The following CCDC198 variants were observed in gnomAD, a reference collection of about 807,000 sequenced individuals.
CCDC198 encodes factor associated with metabolism and energy.
CCDC198 carries 18 observed loss-of-function variants against 35.6 expected under a neutral mutation model. The ratio of observed to expected loss-of-function variants is 0.51; its 90% CI spans 0.35 to 0.75. The LOEUF (loss-of-function observed/expected upper bound fraction) is 0.75. Among genes scored for constraint, CCDC198 ranks in the 30% least tolerant of loss-of-function variants. The pLI is 0.01. For synonymous variants in CCDC198, 119 were observed against 113.4 expected (o/e 1.05, Z -0.31); for missense variants, 365 against 343.7 (o/e 1.06, Z -0.49).
In CCDC198 at chr14:57,490,340, G is replaced by A. The variant is rs189217456; in HGVS notation, c.306+649C>T. ...GCAGAGAACCCATTAAATATTTATT[G>A]GGGTGAATGCGTTTAAAGCTCTTGC... On this transcript the variant is annotated intron_variant, in intron 2 of 5. Coordinates refer to ENST00000216445, the MANE Select transcript of CCDC198 (RefSeq NM_018168.4). Among the ~76,000 whole-genome samples, 297 of 152,242 alleles carry A rather than the reference G, an allele frequency of 2.0e-3. 4 individuals are homozygous for A. Among genetic ancestry groups the A allele is most frequent in the African/African-American group, 6.5e-3 (271 of 41,540 alleles).
intron 3 of CCDC198, among the ~76,000 whole-genome samples, chr14:57,481,932 C>G (rs767099886): frequency 4.6e-5 from 7 of 152,172 alleles, no homozygotes; most frequent in Non-Finnish European, 8.8e-5. Flanking sequence ...TTCCACATCT[C>G]ATTTTTGGCA....
intron 5 of CCDC198, among the ~76,000 whole-genome samples, chr14:57,474,348 C>G (rs531216576): frequency 6.6e-6 from 1 of 152,322 alleles, no homozygotes; most frequent in Non-Finnish European, 1.5e-5. Context: ...GCAAATTAGT[C>G]AAGAACTACC....
chr14:57,475,847 G>T (rs1207704200), intron 5 of CCDC198: 1 of 269,334 alleles, frequency 3.7e-6, no homozygotes, highest in Non-Finnish European at 6.7e-6. Context: ...TGTCGACCAG[G>T]TTGGAGAGCA....
chr14:57,483,230 T>C, intron 2 of CCDC198, 79 bp from the exon 3 acceptor site: 1 of 1,602,988 alleles, frequency 6.2e-7, no homozygotes, highest in Middle Eastern at 1.7e-4. Flanking sequence ...CATTAAATTA[T>C]CTTAACACTT....
At position 57,493,665 on chromosome 14, in the gene CCDC198, A is replaced by G. The variant is rs763241972; in HGVS notation, c.51T>C (p.Pro17=). 6.2e-7 allele frequency: 1 copy of G among 1,613,888 alleles called. No homozygotes were observed. The highest frequency in any genetic ancestry group is 8.5e-7 in the Non-Finnish European group (1 of 1,179,910). Reference sequence around the variant, plus strand: ...GAGTCTCTACCTCTTTGTTTTGCAAAGGTGCTACTTTGATCACCCTAAGGT... The same window carrying G: ...GAGTCTCTACCTCTTTGTTTTGCAAGGGTGCTACTTTGATCACCCTAAGGT... ...KTHLRVIKVA[P]LQNKEVETPS... is the part of the protein sequence containing the mutation. Residue 17 remains proline (P), a synonymous_variant, in exon 1 of 6, where the codon CCT becomes CCC. Transcript: ENST00000216445.
intron 5 of CCDC198, among the ~76,000 whole-genome samples, chr14:57,472,150 G>A (rs2066842229): frequency 6.6e-6 from 1 of 152,028 alleles, no homozygotes; most frequent in African/African-American, 2.4e-5. Context: ...TGCTGTTTGT[G>A]TTTTAATCTT....
rs146784735 is a variant in CCDC198 at position 57,483,137 on chromosome 14, A to T, written c.321T>A (p.Ile107=). 18 of 1,613,902 alleles carry T rather than the reference A, an allele frequency of 1.1e-5. No individual in the cohort carries two copies. The African/African-American group carries it at 2.0e-4, about 18-fold the overall frequency. Residue 107 remains isoleucine, a synonymous_variant, in exon 3 of 6, where the codon ATT becomes ATA. Transcript: ENST00000216445. The part of the protein sequence containing the change: ...PPQRLQKLEP[I]DLPRVITSGR... ...CTGAAGTAATTACTCGTGGCAAGTC[A>T]ATGGGTTCAAGCTTCTAGAAGTTCA...
chr14:57,477,184 A>G (rs2139482498), intron 5 of CCDC198, among the ~76,000 whole-genome samples: 1 of 152,356 alleles, frequency 6.6e-6, no homozygotes, highest in South Asian at 2.1e-4. Flanking sequence ...AGCTGTATCC[A>G]TTATTATCCC....
Position 57,480,670 on chromosome 14 carries a change from G to A in CCDC198, c.580C>T (p.Leu194Phe). The stretch of plus-strand genomic sequence containing the variant: ...TCATCATTCCTTGGGGTGCTTTGAA[G>A]GGTTTTCTTGGCTTTATGGTCCCTT... ...SPRDHKAKKT[L>F]QSTPRNDDHD... The change falls in exon 5 of 6, where the codon CTT becomes TTT. Residue 194 changes from leucine (L) to phenylalanine (F), a missense_variant. Physicochemically the swap from Leu to Phe is conservative, Grantham distance 22 (BLOSUM62 0). Coordinates refer to ENST00000216445, the MANE Select transcript of CCDC198 (RefSeq NM_018168.4). The A allele has an allele frequency of 1.9e-6, 3 of 1,614,132 alleles. No individual in the cohort carries two copies. The highest frequency in any genetic ancestry group is 1.1e-5 in the South Asian group (1 of 91,058).
chr14:57,486,671 T>A (rs546604052), intron 2 of CCDC198, among the ~76,000 whole-genome samples: 2 of 152,292 alleles, frequency 1.3e-5, no homozygotes, highest in East Asian at 3.9e-4. Flanking sequence ...AGGATTTTTT[T>A]ATGTGGAATA....
intron 2 of CCDC198, among the ~76,000 whole-genome samples, chr14:57,490,323 C>A (rs2067519895): frequency 6.6e-6 from 1 of 152,154 alleles, no homozygotes; most frequent in Non-Finnish European, 1.5e-5. Context: ...CTGCAGAGAA[C>A]CCATTAAATA....
chr14:57,475,991 C>T (rs1271019268), intron 5 of CCDC198, among the ~76,000 whole-genome samples: 4 of 151,244 alleles, frequency 2.6e-5, no homozygotes, highest in East Asian at 2.0e-4. Flanking sequence ...TTACTAGAGA[C>T]GGGGTTTTGC....
intron 3 of CCDC198, among the ~76,000 whole-genome samples, chr14:57,482,164 G>T (rs904696368): frequency 3.3e-5 from 5 of 152,146 alleles, no homozygotes; most frequent in African/African-American, 7.2e-5. Flanking sequence ...GTTTAGGGAG[G>T]ATTTGAAGTT....
intron 5 of CCDC198, among the ~76,000 whole-genome samples, chr14:57,477,133 A>G (rs1288957550): frequency 6.6e-6 from 1 of 152,238 alleles, no homozygotes; most frequent in Non-Finnish European, 1.5e-5. Context: ...TATGAAGATT[A>G]AATGCTGCAT....
intron 5 of CCDC198, among the ~76,000 whole-genome samples, chr14:57,476,137 T>C (rs2066989644): frequency 6.6e-6 from 1 of 152,178 alleles, no homozygotes; most frequent in Non-Finnish European, 1.5e-5. Flanking sequence ...TGTGTGCTTT[T>C]ATACATGTTA....
intron 2 of CCDC198, among the ~76,000 whole-genome samples, chr14:57,483,836 T>A (rs1228613441): frequency 1.3e-5 from 2 of 152,166 alleles, no homozygotes; most frequent in Non-Finnish European, 1.5e-5. Context: ...GACATTGACA[T>A]GCAATGGGGA....
chr14:57,475,321 A>C, intron 5 of CCDC198: 1 of 931,214 alleles, frequency 1.1e-6, no homozygotes, highest in South Asian at 4.9e-5. Flanking sequence ...AAATAAAATA[A>C]AACAAGATTC....
At chr14:57,478,926 C>A (rs539385951) in intron 5 of CCDC198, 765 of 1,268,558 alleles carry the variant, frequency 6.0e-4, no homozygotes, top group Non-Finnish European at 7.6e-4. Context: ...TTCTGCAGCT[C>A]TCTCAGCGGT....
intron 5 of CCDC198, chr14:57,480,197 A>G: frequency 2.4e-6 from 2 of 818,270 alleles, no homozygotes; most frequent in Non-Finnish European, 3.0e-6. Context: ...AGTCAGGAAG[A>G]TAAGTGTCTG....
Sources: gnomAD v4.1 joint callset for allele counts (sites outside exome capture counted in the v4.1 genomes callset) on GRCh38, gnomAD v4.1.1 for gene constraint, MANE v1.5 for transcripts, NCBI Gene and HGNC (gene_info 2026-07-23, HGNC 2026-07-21) for gene names.